RANBP2: variants seen among roughly 807,000 people sequenced by gnomAD.
RANBP2 encodes the protein RAN binding protein 2.
Under a neutral mutation model 303.6 loss-of-function variants are expected in RANBP2, and 57 were observed. The ratio of observed to expected loss-of-function variants is 0.19; its 90% CI spans 0.15 to 0.23. RANBP2 has a LOEUF of 0.23. Among genes scored for constraint, RANBP2 ranks in the 10% least tolerant of loss-of-function variants. The pLI is 1.00. For synonymous variants in RANBP2, 1,167 were observed against 1,301.5 expected (o/e 0.90, Z 2.23); for missense variants, 3,138 against 3,780.8 (o/e 0.83, Z 4.46).
the RANBP2 span, among the ~76,000 whole-genome samples, chr2:109,282,734 A>G: frequency 1.3e-5 from 2 of 152,288 alleles, no homozygotes; most frequent in East Asian, 3.9e-4. Flanking sequence ...TTTGTTTCAT[A>G]GTTTAGTCCT....
At chr2:108,742,053 G>A (rs1233335561) in intron 7 of RANBP2, among the ~76,000 whole-genome samples, 6 of 151,918 alleles carry the variant, frequency 3.9e-5, no homozygotes, top group South Asian at 2.1e-4. Flanking sequence ...CTGGAGTGCA[G>A]TGGCGCGATC....
chr2:109,385,922 G>A, the RANBP2 span, among the ~76,000 whole-genome samples: 1 of 152,126 alleles, frequency 6.6e-6, no homozygotes, highest in Non-Finnish European at 1.5e-5. Context: ...TTTCTTATTG[G>A]TAAATTTGCA....
chr2:108,936,620 C>T, the RANBP2 span, among the ~76,000 whole-genome samples: 1 of 152,176 alleles, frequency 6.6e-6, no homozygotes, highest in African/African-American at 2.4e-5. Context: ...CCCTGAAGCC[C>T]CCACTTCCCA....
At chr2:108,888,654 G>T in the RANBP2 span, among the ~76,000 whole-genome samples, 2 of 151,980 alleles carry the variant, frequency 1.3e-5, no homozygotes, top group Non-Finnish European at 2.9e-5. Context: ...GGTATCGCTT[G>T]TAATATCTTC....
the RANBP2 span, among the ~76,000 whole-genome samples, chr2:109,660,420 T>C: frequency 6.6e-6 from 1 of 152,242 alleles, no homozygotes; most frequent in Non-Finnish European, 1.5e-5. Context: ...TGGAGTGTAC[T>C]TTCCTTTCAA....
the RANBP2 span, among the ~76,000 whole-genome samples, chr2:109,498,998 G>A: frequency 1.3e-5 from 2 of 152,188 alleles, no homozygotes; most frequent in African/African-American, 2.4e-5. Context: ...GGAATGCTGG[G>A]GCGTTTAGAC....
At chr2:109,505,495 C>T in the RANBP2 span, among the ~76,000 whole-genome samples, 7 of 152,122 alleles carry the variant, frequency 4.6e-5, no homozygotes, top group Admixed American at 1.3e-4. Context: ...CAACATAGAC[C>T]CTTGTATGAG....
chr2:109,635,111 A>T, the RANBP2 span, among the ~76,000 whole-genome samples: 1 of 149,374 alleles, frequency 6.7e-6, no homozygotes, highest in Non-Finnish European at 1.5e-5. Flanking sequence ...CCAGTGTTAA[A>T]AAAAAAAAAG....
the RANBP2 span, among the ~76,000 whole-genome samples, chr2:108,924,581 C>T: frequency 6.6e-6 from 1 of 152,206 alleles, no homozygotes; most frequent in Admixed American, 6.5e-5. Flanking sequence ...ATGGAGGCCC[C>T]TGCTGACGGT....
At chr2:109,354,824 G>C in the RANBP2 span, among the ~76,000 whole-genome samples, 1 of 152,268 alleles carries the variant, frequency 6.6e-6, no homozygotes, top group Non-Finnish European at 1.5e-5. Context: ...CTTTGGAAGA[G>C]CTAGTAAATG....
chr2:109,632,095 G>A, the RANBP2 span, among the ~76,000 whole-genome samples: 1 of 152,170 alleles, frequency 6.6e-6, no homozygotes, highest in Non-Finnish European at 1.5e-5. Context: ...AAAAGCTCTA[G>A]AACCGGAGGC....
chr2:109,516,648 C>T, the RANBP2 span, among the ~76,000 whole-genome samples: 4 of 152,118 alleles, frequency 2.6e-5, no homozygotes, highest in African/African-American at 7.2e-5. Context: ...GAGGCGAGCC[C>T]GTGTCTGGCC....
At chr2:109,013,527 A>G in the RANBP2 span, among the ~76,000 whole-genome samples, 1 of 152,186 alleles carries the variant, frequency 6.6e-6, no homozygotes, top group Non-Finnish European at 1.5e-5. Context: ...ACGTTGCAAT[A>G]AAGCAATTCT....
chr2:109,056,421 G>A, the RANBP2 span, among the ~76,000 whole-genome samples: 2 of 148,358 alleles, frequency 1.3e-5, no homozygotes, highest in African/African-American at 2.5e-5. Context: ...CTCCCGTCTC[G>A]GCCTCCCAAA....
the RANBP2 span, among the ~76,000 whole-genome samples, chr2:109,712,645 G>A: frequency 6.6e-6 from 1 of 152,114 alleles, no homozygotes; most frequent in African/African-American, 2.4e-5. Context: ...TGTTGGCCAG[G>A]ATGGTCTTGA....
At chr2:108,793,265 G>A in the RANBP2 span, among the ~76,000 whole-genome samples, 4 of 151,592 alleles carry the variant, frequency 2.6e-5, no homozygotes, top group Admixed American at 6.6e-5. Flanking sequence ...CTCGGGAGGC[G>A]GAGCTTACAG....
chr2:109,522,806 G>C, the RANBP2 span, among the ~76,000 whole-genome samples: 1 of 152,188 alleles, frequency 6.6e-6, no homozygotes, highest in African/African-American at 2.4e-5. Context: ...TCAAGAAAAT[G>C]CAACACGCAA....
chr2:109,573,630 A>C, the RANBP2 span, among the ~76,000 whole-genome samples: 1 of 152,230 alleles, frequency 6.6e-6, no homozygotes, highest in Non-Finnish European at 1.5e-5. Context: ...CATCCAGAAC[A>C]ACCTTGGATT....
chr2:109,377,831 T>A, the RANBP2 span, among the ~76,000 whole-genome samples: 1 of 152,194 alleles, frequency 6.6e-6, no homozygotes, highest in Non-Finnish European at 1.5e-5. Context: ...TGTCACTTTA[T>A]CTTTTACAAA....
Sources: allele counts gnomAD v4.1 joint callset (sites outside exome capture counted in the v4.1 genomes callset), GRCh38; gene constraint gnomAD v4.1.1; transcripts MANE v1.5; gene names NCBI Gene and HGNC (gene_info 2026-07-23, HGNC 2026-07-21).